The following SGIP1 variants were observed in gnomAD, a reference collection of about 807,000 sequenced individuals.
The protein encoded by SGIP1 is SH3GL interacting endocytic adaptor 1, also known as SH3-containing GRB2-like protein 3-interacting protein 1.
SGIP1 carries 38 observed loss-of-function variants against 107.5 expected under a neutral mutation model. The observed-to-expected ratio is 0.35, with a 90% CI of 0.27 to 0.46. SGIP1 has a LOEUF of 0.46. SGIP1 is among the 20% of genes least tolerant of loss of function. The pLI is 1.00. For missense variants in SGIP1, 929 were observed against 1,019.5 expected (o/e 0.91, Z 1.21); for synonymous variants, 365 against 366.1 (o/e 1.00, Z 0.03).
At position 66,589,192 on chromosome 1, in the gene SGIP1, A is replaced by ATG. The variant is rs1263766427; in HGVS notation, c.11-36654_11-36653insGT. 2.8e-3 allele frequency among the ~76,000 whole-genome samples: 197 copies of ATG among 71,252 alleles called. 10 individuals carry two copies. Among genetic ancestry groups the ATG allele is most frequent in the African/African-American group, 0.011 (193 of 17,282 alleles). The allele number at this position is 71,252 out of a possible 152,430, so 46.7% of individuals were successfully genotyped here. On this transcript the variant is annotated intron_variant, in intron 1 of 24. Coordinates refer to ENST00000371037, the MANE Select transcript of SGIP1 (RefSeq NM_032291.4). ...TATATATATATATATATATATATAT[A>ATG]TATATATATATATATATATATATAT...
At chr1:66,574,816 G>A (rs938077751) in intron 1 of SGIP1, among the ~76,000 whole-genome samples, 4 of 151,702 alleles carry the variant, frequency 2.6e-5, no homozygotes, top group African/African-American at 4.9e-5. Context: ...GCACGCACAT[G>A]TATATGTGTG....
chr1:66,539,278 A>T (rs995284724), intron 1 of SGIP1, among the ~76,000 whole-genome samples: 2 of 152,202 alleles, frequency 1.3e-5, no homozygotes, highest in Non-Finnish European at 2.9e-5. Flanking sequence ...AGCAGGAAAA[A>T]GTACGGTGTG....
intron 11 of SGIP1, among the ~76,000 whole-genome samples, chr1:66,672,249 T>A (rs1056124177): frequency 2.0e-5 from 3 of 152,168 alleles, no homozygotes; most frequent in Non-Finnish European, 4.4e-5. Flanking sequence ...CCCTTCCTGA[T>A]GGGACAGCTA....
chr1:66,584,774 G>A (rs1419662242), intron 1 of SGIP1, among the ~76,000 whole-genome samples: 1 of 152,150 alleles, frequency 6.6e-6, no homozygotes, highest in African/African-American at 2.4e-5. Context: ...CTTCTTCCCT[G>A]TAGCCAAATT....
At chr1:66,608,371 G>A (rs186636806) in intron 1 of SGIP1, among the ~76,000 whole-genome samples, 2 of 152,188 alleles carry the variant, frequency 1.3e-5, no homozygotes, top group Admixed American at 1.3e-4. Context: ...TTTCTAATCT[G>A]TAATATGTGT....
intron 1 of SGIP1, chr1:66,615,856 G>A (rs1295850729): frequency 6.6e-6 from 1 of 152,284 alleles, no homozygotes; most frequent in Non-Finnish European, 1.5e-5. Flanking sequence ...TACAGATCAA[G>A]GTTCTAAGGG....
chr1:66,708,091 G>T (rs771862748), intron 18 of SGIP1, among the ~76,000 whole-genome samples: 1 of 152,104 alleles, frequency 6.6e-6, no homozygotes, highest in African/African-American at 2.4e-5. Flanking sequence ...TTAACACAGG[G>T]TAGGGTTTAA....
Position 66,703,705 on chromosome 1 carries a change from T to A in SGIP1, c.1630+8212T>A, listed in dbSNP as rs556788159. On this transcript the variant is annotated intron_variant, in intron 18 of 24. Coordinates refer to ENST00000371037, the MANE Select transcript of SGIP1 (RefSeq NM_032291.4). The stretch of plus-strand genomic sequence containing the variant: ...AGCTATATCACATTTATATATGATC[T>A]ATATCATATATATTATATATGATCA... Among the ~76,000 whole-genome samples the A allele has an allele frequency of 1.1e-4, 17 of 151,276 alleles. No individual in the cohort carries two copies. The East Asian group carries it at 1.7e-3, about 16-fold the overall frequency.
chr1:66,625,745 G>C, intron 1 of SGIP1, 102 bp from the exon 2 acceptor site: 2 of 974,942 alleles, frequency 2.1e-6, no homozygotes, highest in Non-Finnish European at 3.1e-6. Flanking sequence ...AAACTTCATT[G>C]CTTTCTAAAC....
chr1:66,673,518 A>G, intron 12 of SGIP1, 152 bp downstream of exon 12: 1 of 663,728 alleles, frequency 1.5e-6, no homozygotes, highest in Non-Finnish European at 2.3e-6. Context: ...TGTCAAGAAC[A>G]GAAGTTTAGT....
chr1:66,657,943 G>GT lies in SGIP1; in HGVS notation c.460-2563dup, dbSNP rs1438824272. ...GTTTTTTCCTATCTTTGTTTTTATT[G>GT]TTTTTTTCAACATTCTGAAGAAACC... On this transcript the variant is annotated intron_variant, in intron 7 of 24. Transcript: ENST00000371037. Among the ~76,000 whole-genome samples the GT allele has an allele frequency of 1.5e-4, 22 of 151,678 alleles. No individual in the cohort carries two copies. In the East Asian group the frequency reaches 3.7e-3, roughly 25 times the overall value.
intron 4 of SGIP1, among the ~76,000 whole-genome samples, chr1:66,639,129 C>T (rs559468781): frequency 4.7e-4 from 71 of 152,282 alleles, no homozygotes; most frequent in Middle Eastern, 3.4e-3. Context: ...GATGCGTGCT[C>T]ATGGAGGCAC....
chr1:66,640,043 T>C (rs2076488154), intron 5 of SGIP1, among the ~76,000 whole-genome samples: 1 of 152,180 alleles, frequency 6.6e-6, no homozygotes, highest in Non-Finnish European at 1.5e-5. Flanking sequence ...TATGAGATTT[T>C]TTGTGATTTA....
chr1:66,562,267 T>G (rs1380279363), intron 1 of SGIP1, among the ~76,000 whole-genome samples: 1 of 152,036 alleles, frequency 6.6e-6, no homozygotes, highest in African/African-American at 2.4e-5. Flanking sequence ...ACAGCTAGTT[T>G]TAATTTTTCA....
At chr1:66,715,204 A>T (rs1434333151) in intron 18 of SGIP1, among the ~76,000 whole-genome samples, 2 of 152,186 alleles carry the variant, frequency 1.3e-5, no homozygotes, top group African/African-American at 4.8e-5. Flanking sequence ...TTTGTAGAAT[A>T]ACAAATAGTT....
In SGIP1 at chr1:66,611,785, A is replaced by G. The variant is rs1394217199; in HGVS notation, c.11-14062A>G. On this transcript the variant is annotated intron_variant, in intron 1 of 24. Coordinates refer to ENST00000371037, the MANE Select transcript of SGIP1 (RefSeq NM_032291.4). ...TACTTCTTAGGTTTCTGGATGGAGCATCTCGGAGGATGTTGGCACCAGTTT... is the reference window on the plus strand; with the variant it reads ...TACTTCTTAGGTTTCTGGATGGAGCGTCTCGGAGGATGTTGGCACCAGTTT... Among the ~76,000 whole-genome samples, 7 of 152,282 alleles carry G rather than the reference A, an allele frequency of 4.6e-5. No homozygotes were observed. The East Asian group carries it at 1.3e-3, about 29-fold the overall frequency.
intron 2 of SGIP1, chr1:66,628,648 T>G (rs539242528): frequency 1.3e-5 from 2 of 153,764 alleles, no homozygotes; most frequent in South Asian, 4.1e-4. Context: ...GAAAAAAGCT[T>G]TCTCGAGAGA....
chr1:66,709,609 C>T (rs2150329602), intron 18 of SGIP1, among the ~76,000 whole-genome samples: 1 of 152,272 alleles, frequency 6.6e-6, no homozygotes, highest in East Asian at 1.9e-4. Context: ...TATTGTTCCT[C>T]CCCTTTTGAG....
At chr1:66,593,678 G>A (rs1475606380) in intron 1 of SGIP1, among the ~76,000 whole-genome samples, 7 of 152,152 alleles carry the variant, frequency 4.6e-5, no homozygotes, top group Admixed American at 3.9e-4. Context: ...AGGCTGAGGT[G>A]GAAGGATTGC....
Sources: gnomAD v4.1 joint callset for allele counts (sites outside exome capture counted in the v4.1 genomes callset) on GRCh38, gnomAD v4.1.1 for gene constraint, MANE v1.5 for transcripts, NCBI Gene and HGNC (gene_info 2026-07-23, HGNC 2026-07-21) for gene names.